The following LAMA3 variants were observed in gnomAD, a reference collection of about 807,000 sequenced individuals.
LAMA3 encodes the protein laminin subunit alpha 3, also known as laminin subunit alpha-3.
LAMA3 carries 281 observed loss-of-function variants against 402.0 expected under a neutral mutation model. The observed-to-expected ratio is 0.70, with a 90% CI of 0.63 to 0.77. The LOEUF is 0.77. LAMA3 is among the 30% of genes least tolerant of loss of function. The probability of loss-of-function intolerance (pLI) is 0.00; values close to 1 mark genes in which losing one functional copy is unlikely to be tolerated. For synonymous variants in LAMA3, 1,431 were observed against 1,558.4 expected, an observed-to-expected ratio of 0.92 and a Z score of 1.93; for missense variants, 3,840 against 4,215.5, an observed-to-expected ratio of 0.91 and a Z score of 2.47.
chr18:23,842,385 T>A lies in LAMA3; in HGVS notation c.3337-10T>A. The A allele has an allele frequency of 6.2e-7, 1 of 1,614,176 alleles. No individual in the cohort carries two copies. The highest frequency in any genetic ancestry group is 8.5e-7 in the Non-Finnish European group (1 of 1,180,014). ...TTTTAATTTTTTTTCCTCCTCTTTT[T>A]TCCTCTTAGAATCAAGTGACCCTGA... On this transcript the variant is annotated splice_polypyrimidine_tract_variant and intron_variant, in intron 27 of 74. Transcript: ENST00000313654.
chr18:23,741,892 C>T (rs980567693), intron 2 of LAMA3, among the ~76,000 whole-genome samples: 1 of 152,128 alleles, frequency 6.6e-6, no homozygotes, highest in South Asian at 2.1e-4. Flanking sequence ...GAGGCTGAGG[C>T]GGGCGGATCA....
chr18:23,799,723 T>G (rs1598817354), intron 12 of LAMA3, among the ~76,000 whole-genome samples: 1 of 151,618 alleles, frequency 6.6e-6, no homozygotes, highest in Non-Finnish European at 1.5e-5. Context: ...CAATCGGAGG[T>G]GTGTGTGTAC....
Position 23,864,849 on chromosome 18 carries a change from T to A in LAMA3, c.4649T>A (p.Val1550Asp). 2 of 1,613,762 alleles carry A rather than the reference T, an allele frequency of 1.2e-6. No individual in the cohort carries two copies. The highest frequency in any genetic ancestry group is 1.7e-6 in the Non-Finnish European group (2 of 1,179,778). The change falls in exon 36 of 75, where the codon GTT becomes GAT. Residue 1550 changes from valine to aspartate, a missense_variant. Physicochemically the swap from Val to Asp is radical, Grantham distance 152 (BLOSUM62 -3). Transcript: ENST00000313654. ...TCCTTTGGCTTGCCTGGCGACATGG[T>A]TCTTCTGGAAAAGAAGCCGGATGTA... ...AKSFGLPGDMVLLEKKPDVQL... is the reference protein window; with the variant it reads ...AKSFGLPGDMDLLEKKPDVQL...
At chr18:23,813,152 C>G in intron 14 of LAMA3, 49 bp downstream of exon 14, 1 of 1,267,576 alleles carries the variant, frequency 7.9e-7, no homozygotes. Flanking sequence ...CTATTATTCT[C>G]ATGCATATTA....
rs139393175 is a variant in LAMA3 at position 23,899,393 on chromosome 18, G to C, written c.5942G>C (p.Arg1981Pro). 2 of 1,614,052 alleles carry C rather than the reference G, an allele frequency of 1.2e-6. No homozygotes were observed. The highest frequency in any genetic ancestry group is 2.2e-5 in the South Asian group (2 of 91,070). Residue 1981 changes from arginine to proline, a missense_variant, in exon 47 of 75, where the codon CGG (arginine) becomes CCG (proline). Physicochemically the swap from Arg to Pro is moderately radical, Grantham distance 103. Transcript: ENST00000313654. ...AEAQRMMREL[R>P]NRNFGKHLRE... ...GCCCAGCGCATGATGAGGGAACTGCGGAACAGGAACTTTGGAAAGCACCTC... is the reference window on the plus strand; with the variant it reads ...GCCCAGCGCATGATGAGGGAACTGCCGAACAGGAACTTTGGAAAGCACCTC...
rs780512135 is a variant in LAMA3, at chr18:23,939,264, G to T, written c.8904G>T (p.Lys2968Asn). The T allele has an allele frequency of 1.2e-6, 2 of 1,614,204 alleles. No individual in the cohort carries two copies. Among genetic ancestry groups the T allele is most frequent in the Non-Finnish European group, 1.7e-6 (2 of 1,180,042 alleles). ...CAGTGGCCTCCCCAAGGAGCGTGAAGGTGTGGCAAGATGCTTGCTCACCAC... is the reference window on the plus strand; with the variant it reads ...CAGTGGCCTCCCCAAGGAGCGTGAATGTGTGGCAAGATGCTTGCTCACCAC... Reference protein sequence around the residue: ...DTPVASPRSVKVWQDACSPLP... With the variant: ...DTPVASPRSVNVWQDACSPLP... The change falls in exon 68 of 75, where the codon AAG becomes AAT. Residue 2968 changes from lysine (K) to asparagine (N), a missense_variant. Lys to Asn is a moderately conservative substitution (Grantham distance 94, BLOSUM62 0). This residue lies in a region of LAMA3 where 840 missense variants were observed against 981.9 expected (regional missense o/e 0.86). Transcript: ENST00000313654.
chr18:23,950,296 C>A, intron 72 of LAMA3, 137 bp downstream of exon 72: 1 of 927,530 alleles, frequency 1.1e-6, no homozygotes, highest in Non-Finnish European at 1.7e-6. Context: ...TGCTAACTTA[C>A]CATTTTCCTT....
At chr18:23,884,047 G>GGTGTGTGT (rs60711151) in intron 40 of LAMA3, among the ~76,000 whole-genome samples, 36 of 138,886 alleles carry the variant, frequency 2.6e-4, no homozygotes, top group South Asian at 2.2e-3. Flanking sequence ...TGGTCTCTTT[G>GGTGTGTGT]GTGTGTGTGT....
intron 69 of LAMA3, among the ~76,000 whole-genome samples, chr18:23,944,712 A>C (rs1342456030): frequency 6.6e-6 from 1 of 152,240 alleles, no homozygotes; most frequent in African/African-American, 2.4e-5. Flanking sequence ...GAATTAGCTG[A>C]ATGAACAAAA....
intron 74 of LAMA3, among the ~76,000 whole-genome samples, chr18:23,954,105 A>G (rs200810592): frequency 1.3e-5 from 2 of 152,308 alleles, no homozygotes; most frequent in East Asian, 3.9e-4. Context: ...AGCTTTCTCC[A>G]CTAAGACTAT....
chr18:23,750,080 A>T (rs1255771920), intron 4 of LAMA3, among the ~76,000 whole-genome samples: 1 of 152,170 alleles, frequency 6.6e-6, no homozygotes, highest in Non-Finnish European at 1.5e-5. Context: ...GTGATCCCTG[A>T]TCCCTTTTGG....
chr18:23,830,065 C>T (rs1218397594), intron 23 of LAMA3, among the ~76,000 whole-genome samples: 1 of 151,650 alleles, frequency 6.6e-6, no homozygotes, highest in Non-Finnish European at 1.5e-5. Flanking sequence ...TAATCTGCTT[C>T]CAGACCTAGA....
rs1351380646 is a variant in LAMA3 at position 23,848,322 on chromosome 18, CAGATG to C, written c.4136+655_4136+659del. ...GGACAGGTGGAGACCTCGGCTCATG[CAGATG>C]CTGCATTGCTGAGAGGTTTGATTCA... On this transcript the variant is annotated intron_variant, in intron 32 of 74. Transcript: ENST00000313654. Among the ~76,000 whole-genome samples, 32 of 152,248 alleles carry C rather than the reference CAGATG, an allele frequency of 2.1e-4. No homozygotes were observed. In the East Asian group the frequency reaches 4.6e-3, roughly 22 times the overall value.
intron 29 of LAMA3, among the ~76,000 whole-genome samples, chr18:23,843,618 T>G: frequency 6.6e-6 from 1 of 152,014 alleles, no homozygotes; most frequent in African/African-American, 2.4e-5. Flanking sequence ...CTCCTGGCCA[T>G]TACCTACCTG....
chr18:23,912,474 C>T lies in LAMA3; in HGVS notation c.7159-237C>T, dbSNP rs967072150. Among the ~76,000 whole-genome samples the T allele has an allele frequency of 2.6e-5, 4 of 152,166 alleles. No homozygotes were observed. In the South Asian group the frequency reaches 6.2e-4, roughly 24 times the overall value. On this transcript the variant is annotated intron_variant, in intron 55 of 74. Coordinates refer to ENST00000313654, the MANE Select transcript of LAMA3 (RefSeq NM_198129.4). ...GACTAAATGCACTGCTCAAATATCC[C>T]TGACTAATAAGAAACACAAATGCCT... is the stretch of plus-strand genomic sequence containing the variant.
intron 8 of LAMA3, among the ~76,000 whole-genome samples, chr18:23,766,291 T>G (rs773947759): frequency 2.0e-5 from 3 of 152,062 alleles, no homozygotes; most frequent in Non-Finnish European, 2.9e-5. Context: ...TTTAAAGTGC[T>G]AAAAGAAAAA....
intron 32 of LAMA3, among the ~76,000 whole-genome samples, chr18:23,856,650 G>A (rs966676613): frequency 6.6e-6 from 1 of 152,078 alleles, no homozygotes; most frequent in Non-Finnish European, 1.5e-5. Flanking sequence ...GATGGTTGAG[G>A]GTGGATGACT....
At chr18:23,832,671 A>G (rs1166277451) in intron 23 of LAMA3, among the ~76,000 whole-genome samples, 1 of 152,230 alleles carries the variant, frequency 6.6e-6, no homozygotes, top group Non-Finnish European at 1.5e-5. Flanking sequence ...TGATGATTGT[A>G]TACCATTATA....
intron 2 of LAMA3, among the ~76,000 whole-genome samples, chr18:23,715,626 A>ATGCTTGTG (rs1345323494): frequency 7.9e-5 from 12 of 152,246 alleles, no homozygotes; most frequent in Non-Finnish European, 1.8e-4. Context: ...AGATAGCAAC[A>ATGCTTGTG]TGCTTGTGTG....
Sources: allele counts gnomAD v4.1 joint callset (sites outside exome capture counted in the v4.1 genomes callset), GRCh38; gene constraint gnomAD v4.1.1; regional missense constraint gnomAD v4.1.1; transcripts MANE v1.5; gene names NCBI Gene and HGNC (gene_info 2026-07-23, HGNC 2026-07-21).